The following GRID1 variants were observed in gnomAD, a reference collection of about 807,000 sequenced individuals.
GRID1 encodes glutamate ionotropic receptor delta type subunit 1, also known as glutamate receptor ionotropic, delta-1.
GRID1 carries 28 observed loss-of-function variants against 98.0 expected under a neutral mutation model. The observed-to-expected ratio is 0.29, with a 90% CI of 0.21 to 0.39. The LOEUF (loss-of-function observed/expected upper bound fraction) is 0.39, where lower values mean the gene tolerates loss of function less well. Ranked by LOEUF, GRID1 falls within the 10% of genes least tolerant of loss-of-function variation. The probability of loss-of-function intolerance (pLI) is 1.00; values close to 1 mark genes in which losing one functional copy is unlikely to be tolerated. For missense variants in GRID1, 1,111 were observed against 1,340.5 expected, an observed-to-expected ratio of 0.83 and a Z score of 2.67; for synonymous variants, 553 against 538.5, an observed-to-expected ratio of 1.03 and a Z score of -0.37.
intron 2 of GRID1, among the ~76,000 whole-genome samples, chr10:86,341,303 T>G (rs774859307): frequency 4.6e-5 from 7 of 152,252 alleles, no homozygotes; most frequent in Middle Eastern, 3.4e-3. Flanking sequence ...CAGGGAGCTC[T>G]GGATGCCCCA....
At chr10:85,870,464 A>G (rs924166346) in intron 5 of GRID1, among the ~76,000 whole-genome samples, 3 of 152,242 alleles carry the variant, frequency 2.0e-5, no homozygotes, top group Non-Finnish European at 4.4e-5. Context: ...GTGTGAGCCA[A>G]TACTCCTTAA....
At chr10:85,801,263 G>A (rs1353688681) in intron 8 of GRID1, among the ~76,000 whole-genome samples, 7 of 151,762 alleles carry the variant, frequency 4.6e-5, no homozygotes, top group Non-Finnish European at 1.0e-4. Flanking sequence ...TTCCCACAAA[G>A]AAGTTCTTAA....
intron 12 of GRID1, among the ~76,000 whole-genome samples, chr10:85,671,515 C>T (rs941705526): frequency 1.3e-5 from 2 of 152,116 alleles, no homozygotes; most frequent in Non-Finnish European, 1.5e-5. Flanking sequence ...TGTGTATGTT[C>T]TGACTGCTCC....
intron 4 of GRID1, among the ~76,000 whole-genome samples, chr10:86,097,436 T>A (rs2131942431): frequency 6.6e-6 from 1 of 152,320 alleles, no homozygotes; most frequent in East Asian, 1.9e-4. Context: ...TTTTATCCCC[T>A]CTCATCTATC....
intron 4 of GRID1, among the ~76,000 whole-genome samples, chr10:85,950,070 A>T (rs1842100954): frequency 6.6e-6 from 1 of 152,246 alleles, no homozygotes; most frequent in South Asian, 2.1e-4. Flanking sequence ...TAGGTAACAA[A>T]GCCTAGCATC....
chr10:85,633,548 C>T (rs569769901), intron 13 of GRID1, among the ~76,000 whole-genome samples: 60 of 152,292 alleles, frequency 3.9e-4, no homozygotes, highest in African/African-American at 1.2e-3. Flanking sequence ...ACTGGCAACA[C>T]GAACTGTGCT....
intron 8 of GRID1, among the ~76,000 whole-genome samples, chr10:85,765,824 C>A (rs1205040469): frequency 6.6e-6 from 1 of 152,224 alleles, no homozygotes; most frequent in African/African-American, 2.4e-5. Context: ...TTCCTGTTAG[C>A]CACACTTTTT....
At chr10:86,170,638 T>C (rs2131992876) in intron 3 of GRID1, among the ~76,000 whole-genome samples, 1 of 152,288 alleles carries the variant, frequency 6.6e-6, no homozygotes, top group Non-Finnish European at 1.5e-5. Context: ...AACCTTTCTA[T>C]TGTCTCTCTC....
At chr10:85,910,794 TC>T (rs770518038) in intron 5 of GRID1, among the ~76,000 whole-genome samples, 2 of 152,190 alleles carry the variant, frequency 1.3e-5, no homozygotes, top group African/African-American at 2.4e-5. Flanking sequence ...GGCATGTGCA[TC>T]AATTCCCCAA....
intron 3 of GRID1, among the ~76,000 whole-genome samples, chr10:86,197,353 G>A (rs1845890514): frequency 6.6e-6 from 1 of 152,104 alleles, no homozygotes; most frequent in South Asian, 2.1e-4. Context: ...GCCGGAGCTG[G>A]AAGGCAGCAG....
rs866302619 is a variant in GRID1 at position 86,192,854 on chromosome 10, A to G, written c.520+13510T>C. ...AGGGGTCTCCAGCAACAAAATCCTT[A>G]AAGGCCCCACAGTGAGGATGCAGCC... On this transcript the variant is annotated intron_variant, in intron 3 of 15. Coordinates refer to ENST00000327946, the MANE Select transcript of GRID1 (RefSeq NM_017551.3). This position sits in a 1 kb window ranked among gnomAD's most constrained non-coding sequence, Gnocchi z 4.8. Among the ~76,000 whole-genome samples the G allele has an allele frequency of 2.0e-5, 3 of 152,046 alleles. No individual in the cohort carries two copies. The highest frequency in any genetic ancestry group is 3.4e-3 in the Middle Eastern group (1 of 294).
chr10:85,812,337 A>T (rs1159144093), intron 8 of GRID1, among the ~76,000 whole-genome samples: 1 of 152,154 alleles, frequency 6.6e-6, no homozygotes, highest in Non-Finnish European at 1.5e-5. Context: ...GAATAAGATT[A>T]CATACATAAA....
rs955168459 is a variant in GRID1 at position 85,651,648 on chromosome 10, A to G, written c.1998-4251T>C. ...GGACTTTTGCTTTGTGGGTCGTCAT[A>G]GTAACAGCCTAGCAGAGGCTACCCT... is the stretch of plus-strand genomic sequence containing the variant. On this transcript the variant is annotated intron_variant, in intron 12 of 15. Transcript: ENST00000327946. Among the ~76,000 whole-genome samples, 65 of 152,166 alleles carry G rather than the reference A, an allele frequency of 4.3e-4. 1 individual carries two copies. The highest frequency in any genetic ancestry group is 7.4e-5 in the Non-Finnish European group (5 of 68,016).
At chr10:86,075,909 CT>C (rs1843875047) in intron 4 of GRID1, among the ~76,000 whole-genome samples, 1 of 152,222 alleles carries the variant, frequency 6.6e-6, no homozygotes, top group Non-Finnish European at 1.5e-5. Flanking sequence ...ACACGAATGG[CT>C]GGTGTCTTGA....
At chr10:86,318,670 G>A (rs1847930626) in intron 2 of GRID1, among the ~76,000 whole-genome samples, 1 of 152,210 alleles carries the variant, frequency 6.6e-6, no homozygotes. Flanking sequence ...GCAGGGAAGA[G>A]GAACTCACCC....
intron 2 of GRID1, among the ~76,000 whole-genome samples, chr10:86,346,613 G>A (rs1328008889): frequency 2.0e-5 from 3 of 152,258 alleles, no homozygotes; most frequent in Admixed American, 6.5e-5. Flanking sequence ...CGGAGCAGAC[G>A]CTGCCCAGGA....
Position 86,052,029 on chromosome 10 carries a change from G to A in GRID1, c.726+86790C>T, listed in dbSNP as rs570385648. On this transcript the variant is annotated intron_variant, in intron 4 of 15. Transcript: ENST00000327946. ...ACAATTTTTCATAGCACAAGAATGG[G>A]TGGAATCTAAATGTTATCATTAGGA... is the stretch of plus-strand genomic sequence containing the variant. Among the ~76,000 whole-genome samples the A allele has an allele frequency of 3.9e-5, 6 of 152,288 alleles. No homozygotes were observed. In the South Asian group the frequency reaches 1.2e-3, roughly 32 times the overall value.
intron 4 of GRID1, among the ~76,000 whole-genome samples, chr10:86,066,162 A>G (rs1472969258): frequency 2.0e-5 from 3 of 152,164 alleles, no homozygotes; most frequent in African/African-American, 7.2e-5. Context: ...GTTGACTGAA[A>G]TGTAAGACTC....
intron 8 of GRID1, among the ~76,000 whole-genome samples, chr10:85,820,079 T>G (rs12766948): frequency 4.5e-4 from 35 of 77,668 alleles, no homozygotes; most frequent in Admixed American, 7.0e-4. Context: ...GGAAGGCAGG[T>G]AGGCAGGCAG....
Sources: allele counts gnomAD v4.1 joint callset (sites outside exome capture counted in the v4.1 genomes callset), GRCh38; gene constraint gnomAD v4.1.1; non-coding constraint Gnocchi (gnomAD v3.1); transcripts MANE v1.5; gene names NCBI Gene and HGNC (gene_info 2026-07-23, HGNC 2026-07-21).